MARCHF6: variants seen among roughly 807,000 people sequenced by gnomAD.
MARCHF6 encodes the protein membrane associated ring-CH-type finger 6.
In MARCHF6, 31 loss-of-function variants were observed where a neutral mutation model predicts 133.7. The observed-to-expected ratio is 0.23, with a 90% CI of 0.17 to 0.31. The LOEUF (loss-of-function observed/expected upper bound fraction) is 0.31. Ranked by LOEUF, MARCHF6 falls within the 10% of genes least tolerant of loss-of-function variation. The probability of loss-of-function intolerance (pLI) is 1.00; values close to 1 mark genes in which losing one functional copy is unlikely to be tolerated. For synonymous variants in MARCHF6, 395 were observed against 402.5 expected, an observed-to-expected ratio of 0.98 and a Z score of 0.22; for missense variants, 723 against 1,121.6, an observed-to-expected ratio of 0.64 and a Z score of 5.08.
Position 10,407,317 on chromosome 5 carries a change from A to AC in MARCHF6, c.1553+115_1553+116insC, listed in dbSNP as rs1357889654. ...TATAGTTACTGGAAATCATCTGACA[A>AC]TTAAATTTTGCTTTATTTTACCTTT... On this transcript the variant is annotated intron_variant, in intron 17 of 25. Coordinates refer to ENST00000274140, the MANE Select transcript of MARCHF6 (RefSeq NM_005885.4). 8.8e-5 allele frequency: 40 copies of AC among 452,068 alleles called. No homozygotes were observed. The Admixed American group carries it at 1.2e-3, about 14-fold the overall frequency. The allele number at this position is 452,068 out of a possible 1,614,324, so 28.0% of individuals were successfully genotyped here. A position where few individuals can be genotyped will look rare whatever the true frequency, so the allele number is the denominator to read the frequency against.
intron 25 of MARCHF6, among the ~76,000 whole-genome samples, chr5:10,433,374 G>A (rs1296281507): frequency 2.0e-5 from 3 of 152,164 alleles, no homozygotes; most frequent in Admixed American, 1.3e-4. Context: ...GTCCTCCATT[G>A]CACAGCATTG....
At chr5:10,357,192 TATCCTTTGGTCAA>T (rs1735523657) in intron 1 of MARCHF6, among the ~76,000 whole-genome samples, 1 of 148,300 alleles carries the variant, frequency 6.7e-6, no homozygotes, top group African/African-American at 2.5e-5. Flanking sequence ...GAGAAAAGTC[TATCCTTTGGTCAA>T]GGATATACTT....
At chr5:10,356,643 G>A (rs1318862064) in intron 1 of MARCHF6, among the ~76,000 whole-genome samples, 4 of 151,976 alleles carry the variant, frequency 2.6e-5, no homozygotes, top group Admixed American at 2.6e-4. Flanking sequence ...TGATCTGTCC[G>A]CCTCAACCTC....
intron 1 of MARCHF6, 60 bp from the exon 2 acceptor site, chr5:10,377,738 T>C: frequency 8.1e-7 from 1 of 1,234,140 alleles, no homozygotes; most frequent in Non-Finnish European, 1.2e-6. Flanking sequence ...TATGCTTGTT[T>C]CTTGCTTTTT....
At chr5:10,383,902 G>A (rs1561115071) in intron 4 of MARCHF6, among the ~76,000 whole-genome samples, 1 of 152,148 alleles carries the variant, frequency 6.6e-6, no homozygotes, top group Non-Finnish European at 1.5e-5. Flanking sequence ...TCTCATTTGT[G>A]GGGAGATTAT....
At chr5:10,370,092 A>AT (rs762064486) in intron 1 of MARCHF6, among the ~76,000 whole-genome samples, 50,532 of 64,850 alleles carry the variant, frequency 0.78, 22,779 homozygotes, top group Non-Finnish European at 0.86. Flanking sequence ...TCTTACTGTG[A>AT]TTTTTTTTTT....
At position 10,391,731 on chromosome 5, in the gene MARCHF6, G is replaced by A. The variant is rs1367436843; in HGVS notation, c.766G>A (p.Asp256Asn). ...DAADANNGAQDDMNWNALEWD... is the reference protein window; with the variant it reads ...DAADANNGAQNDMNWNALEWD... ...GGCAGATGCTAATAACGGAGCCCAG[G>A]GTAATGGCTGCTTGTGTGTCCTCAC... The change falls in exon 7 of 26, where the codon GAT (aspartate) becomes AAT (asparagine). Residue 256 changes from aspartate to asparagine, a missense_variant and splice_region_variant. Asp to Asn is a conservative substitution (Grantham distance 23). Coordinates refer to ENST00000274140, the MANE Select transcript of MARCHF6 (RefSeq NM_005885.4). The A allele has an allele frequency of 4.6e-6, 7 of 1,534,182 alleles. No individual in the cohort carries two copies. The highest frequency in any genetic ancestry group is 1.4e-5 in the African/African-American group (1 of 71,396).
intron 11 of MARCHF6, 28 bp from the exon 12 acceptor site, chr5:10,402,031 A>G (rs1383833363): frequency 2.1e-6 from 3 of 1,419,548 alleles, no homozygotes. Context: ...GTAAAATTAA[A>G]TTTTATTTAC....
intron 5 of MARCHF6, among the ~76,000 whole-genome samples, chr5:10,387,324 A>T (rs1468656480): frequency 1.4e-5 from 2 of 140,478 alleles, no homozygotes; most frequent in East Asian, 4.1e-4. Flanking sequence ...TTTTTTTGAG[A>T]TGGAGTCTTG....
Position 10,381,781 on chromosome 5 carries a change from A to C in MARCHF6, c.191-19A>C. Reference sequence around the variant, plus strand: ...TTCGAATCTTCATGAAACTGTAAGTACTTTTTTTCCGCTTATAGTTTATTC... The same window carrying C: ...TTCGAATCTTCATGAAACTGTAAGTCCTTTTTTTCCGCTTATAGTTTATTC... On this transcript the variant is annotated intron_variant, in intron 3 of 25. Transcript: ENST00000274140. 2 of 1,563,492 alleles carry C rather than the reference A, an allele frequency of 1.3e-6. No individual in the cohort carries two copies. Among genetic ancestry groups the C allele is most frequent in the South Asian group, 2.4e-5 (2 of 83,070 alleles).
intron 9 of MARCHF6, among the ~76,000 whole-genome samples, chr5:10,395,991 C>T (rs1346921878): frequency 1.3e-5 from 2 of 152,228 alleles, no homozygotes; most frequent in African/African-American, 4.8e-5. Context: ...CTTACCCCAT[C>T]AGTTCCTCAT....
At position 10,398,460 on chromosome 5, in the gene MARCHF6, G is replaced by T. The variant is rs145915149; in HGVS notation, c.913+1116G>T. ...TAATTTTTAGTAGATACTCACAAAG[G>T]TGCAGATTTATTAGGATTTTTTGTT... On this transcript the variant is annotated intron_variant, in intron 10 of 25. Transcript: ENST00000274140. 2.9e-4 allele frequency among the ~76,000 whole-genome samples: 44 copies of T among 152,224 alleles called. No homozygotes were observed. In the East Asian group the frequency reaches 8.5e-3, roughly 29 times the overall value.
At chr5:10,382,315 C>G (rs1314831584) in intron 4 of MARCHF6, among the ~76,000 whole-genome samples, 1 of 151,490 alleles carries the variant, frequency 6.6e-6, no homozygotes, top group Non-Finnish European at 1.5e-5. Flanking sequence ...GAGGCCGAGG[C>G]AGGCGGATCA....
intron 1 of MARCHF6, among the ~76,000 whole-genome samples, chr5:10,373,783 A>G (rs532447402): frequency 6.6e-6 from 1 of 152,252 alleles, no homozygotes; most frequent in Admixed American, 6.5e-5. Context: ...CTGTACATCC[A>G]CACTTGCACC....
chr5:10,399,519 T>C (rs1156933457), intron 10 of MARCHF6, among the ~76,000 whole-genome samples: 2 of 152,082 alleles, frequency 1.3e-5, no homozygotes, highest in Non-Finnish European at 2.9e-5. Context: ...ATTTTATTAT[T>C]AGGAATGAAG....
At chr5:10,427,036 C>T (rs141596184) in intron 24 of MARCHF6, among the ~76,000 whole-genome samples, 1 of 152,308 alleles carries the variant, frequency 6.6e-6, no homozygotes, top group Non-Finnish European at 1.5e-5. Flanking sequence ...CTTCCCAAAT[C>T]TTTTTCTTCT....
chr5:10,420,426 C>T (rs1177457705), intron 22 of MARCHF6, among the ~76,000 whole-genome samples: 1 of 151,878 alleles, frequency 6.6e-6, no homozygotes, highest in East Asian at 1.9e-4. Flanking sequence ...CAAAGGGAAA[C>T]ACACAACTAG....
rs750773083 is a variant in MARCHF6, at chr5:10,353,884, GC to G, written c.-8del. ...GGAGCCTCGTGGCTGCGTCACCGCC[GC>G]CCCCCCAGACAAGATGGACACCGCG... On this transcript the variant is annotated 5_prime_UTR_variant, in exon 1 of 26. Coordinates refer to ENST00000274140, the MANE Select transcript of MARCHF6 (RefSeq NM_005885.4). 16 of 1,561,864 alleles carry G rather than the reference GC, an allele frequency of 1.0e-5. No homozygotes were observed. Among genetic ancestry groups the G allele is most frequent in the East Asian group, 4.8e-5 (2 of 41,576 alleles).
At chr5:10,382,439 C>CTTT (rs1737204496) in intron 4 of MARCHF6, among the ~76,000 whole-genome samples, 1 of 146,486 alleles carries the variant, frequency 6.8e-6, no homozygotes, top group African/African-American at 2.6e-5. Context: ...TGCACTCCAG[C>CTTT]TTGGGCAACA....
Sources: gnomAD v4.1 joint callset for allele counts (sites outside exome capture counted in the v4.1 genomes callset) on GRCh38, gnomAD v4.1.1 for gene constraint, MANE v1.5 for transcripts, NCBI Gene and HGNC (gene_info 2026-07-23, HGNC 2026-07-21) for gene names.